The following ADK variants were observed in gnomAD, a reference collection of about 807,000 sequenced individuals.
ADK encodes N6,N6-dimethyladenosine kinase.
ADK carries 24 observed loss-of-function variants against 44.7 expected under a neutral mutation model. The observed-to-expected ratio is 0.54, with a 90% CI of 0.39 to 0.76. The LOEUF (loss-of-function observed/expected upper bound fraction) is 0.76. ADK is among the 30% of genes least tolerant of loss of function. The pLI, the probability that ADK is intolerant of heterozygous loss-of-function variation, is 0.00. For synonymous variants in ADK, 128 were observed against 142.6 expected (o/e 0.90, Z 0.73); for missense variants, 321 against 425.1 (o/e 0.76, Z 2.15).
chr10:74,284,858 A>G (rs1254978465), intron 3 of ADK, among the ~76,000 whole-genome samples: 5 of 152,244 alleles, frequency 3.3e-5, no homozygotes, highest in African/African-American at 7.2e-5. Context: ...TATAGGAGTC[A>G]TCTTTGTCAA....
intron 3 of ADK, among the ~76,000 whole-genome samples, chr10:74,262,988 A>G (rs1210423174): frequency 1.3e-5 from 2 of 152,240 alleles, no homozygotes; most frequent in Admixed American, 1.3e-4. Flanking sequence ...GTTGCAAAAC[A>G]TAAACATTTA....
chr10:74,313,379 A>G (rs1275300298), intron 3 of ADK, among the ~76,000 whole-genome samples: 2 of 152,034 alleles, frequency 1.3e-5, no homozygotes, highest in Non-Finnish European at 2.9e-5. Flanking sequence ...CCACATAGGA[A>G]AAAGGATTAT....
chr10:74,163,555 T>C (rs1260691744), intron 1 of ADK, among the ~76,000 whole-genome samples: 1 of 152,204 alleles, frequency 6.6e-6, no homozygotes, highest in Non-Finnish European at 1.5e-5. Context: ...GTGAAATGAA[T>C]CCATAGTACC....
At chr10:74,473,193 GACACACAC>G (rs74890577) in intron 6 of ADK, among the ~76,000 whole-genome samples, 1,709 of 149,490 alleles carry the variant, frequency 0.011, 38 homozygotes, top group African/African-American at 0.04. Context: ...TATACACACA[GACACACAC>G]ACACACACAC....
At chr10:74,256,234 AG>A (rs1169720226) in intron 3 of ADK, among the ~76,000 whole-genome samples, 1 of 152,248 alleles carries the variant, frequency 6.6e-6, no homozygotes, top group Non-Finnish European at 1.5e-5. Context: ...AAAGGCAGTC[AG>A]GGATCATTTC....
In ADK at chr10:74,180,671, G is replaced by T. The variant is rs528216696; in HGVS notation, c.66-20093G>T. Among the ~76,000 whole-genome samples the T allele has an allele frequency of 3.3e-5, 5 of 152,130 alleles. No homozygotes were observed. In the East Asian group the frequency reaches 9.7e-4, roughly 29 times the overall value. On this transcript the variant is annotated intron_variant, in intron 1 of 10. Transcript: ENST00000539909. ...GACGGGGTTTCACCGTGTTAGCCAG[G>T]ATGGTCTCGATCTCCTGACCTCATG... is the stretch of plus-strand genomic sequence containing the variant.
intron 3 of ADK, among the ~76,000 whole-genome samples, chr10:74,270,828 G>A (rs1037894064): frequency 1.9e-4 from 29 of 152,314 alleles, no homozygotes; most frequent in African/African-American, 7.0e-4. Context: ...TAGCCAGATA[G>A]TTCTGTAGGC....
At chr10:74,394,812 A>G (rs928800040) in intron 5 of ADK, among the ~76,000 whole-genome samples, 5 of 152,202 alleles carry the variant, frequency 3.3e-5, no homozygotes. Flanking sequence ...TCTGGCAAAT[A>G]GTAATTCATT....
intron 3 of ADK, among the ~76,000 whole-genome samples, chr10:74,263,860 C>T (rs983004521): frequency 5.3e-5 from 8 of 152,150 alleles, no homozygotes; most frequent in South Asian, 2.1e-4. Flanking sequence ...TTTATTTTCA[C>T]CTGTATAGAC....
intron 1 of ADK, among the ~76,000 whole-genome samples, chr10:74,178,432 A>G (rs1224653301): frequency 2.0e-5 from 3 of 152,196 alleles, no homozygotes; most frequent in African/African-American, 7.2e-5. Context: ...ACCCAGAGTT[A>G]ATTCCCCTTC....
chr10:74,563,354 A>G (rs908515714), intron 7 of ADK, among the ~76,000 whole-genome samples: 1 of 152,164 alleles, frequency 6.6e-6, no homozygotes, highest in African/African-American at 2.4e-5. Flanking sequence ...TACTCTCACT[A>G]ATTTATTAAG....
At chr10:74,216,094 G>A (rs1361213258) in intron 2 of ADK, among the ~76,000 whole-genome samples, 3 of 151,854 alleles carry the variant, frequency 2.0e-5, no homozygotes, top group African/African-American at 4.8e-5. Context: ...TTGCATTTCT[G>A]TTATACTTTT....
At chr10:74,203,597 G>C (rs934560072) in intron 2 of ADK, among the ~76,000 whole-genome samples, 7 of 152,034 alleles carry the variant, frequency 4.6e-5, no homozygotes, top group Admixed American at 3.9e-4. Flanking sequence ...AGTCTGGCTT[G>C]ATCCTAGGCC....
Position 74,577,118 on chromosome 10 carries a change from G to C in ADK, c.727-12164G>C, listed in dbSNP as rs1021356612. ...TGTTTTGTATTATTTCTCTGTGTGTGTGTGTGTGTGTGTGTGTGTGTGTGT... is the reference window on the plus strand; with the variant it reads ...TGTTTTGTATTATTTCTCTGTGTGTCTGTGTGTGTGTGTGTGTGTGTGTGT... On this transcript the variant is annotated intron_variant, in intron 7 of 10. Coordinates refer to ENST00000539909, the MANE Select transcript of ADK (RefSeq NM_006721.4). 1.3e-3 allele frequency among the ~76,000 whole-genome samples: 193 copies of C among 148,368 alleles called. 1 individual carries two copies. Among genetic ancestry groups the C allele is most frequent in the African/African-American group, 4.4e-3 (172 of 39,354 alleles).
chr10:74,222,209 C>G (rs1352461962), intron 2 of ADK, among the ~76,000 whole-genome samples: 2 of 152,156 alleles, frequency 1.3e-5, no homozygotes, highest in Admixed American at 1.3e-4. Context: ...AGGACATGAA[C>G]AGACACTTCT....
intron 6 of ADK, among the ~76,000 whole-genome samples, chr10:74,486,743 T>A (rs181137880): frequency 1.0e-3 from 155 of 152,298 alleles, no homozygotes; most frequent in Non-Finnish European, 1.8e-3. Context: ...TTAGTTTTTT[T>A]ATCTTTAACA....
intron 8 of ADK, among the ~76,000 whole-genome samples, chr10:74,598,904 C>A (rs898575588): frequency 6.6e-6 from 1 of 152,066 alleles, no homozygotes; most frequent in African/African-American, 2.4e-5. Flanking sequence ...TAATCACAAG[C>A]AAAAATCCTA....
intron 1 of ADK, among the ~76,000 whole-genome samples, chr10:74,156,175 G>A (rs1189631262): frequency 6.6e-6 from 1 of 152,196 alleles, no homozygotes; most frequent in Non-Finnish European, 1.5e-5. Context: ...CTCAGGGAAA[G>A]TGGGAAGGGC....
At chr10:74,610,353 C>T (rs1852493929) in intron 9 of ADK, among the ~76,000 whole-genome samples, 1 of 152,234 alleles carries the variant, frequency 6.6e-6, no homozygotes, top group South Asian at 2.1e-4. Flanking sequence ...ATTTATGTGA[C>T]ATACCTAGAG....
Sources: gnomAD v4.1 joint callset for allele counts (sites outside exome capture counted in the v4.1 genomes callset) on GRCh38, gnomAD v4.1.1 for gene constraint, MANE v1.5 for transcripts, NCBI Gene and HGNC (gene_info 2026-07-23, HGNC 2026-07-21) for gene names.